Variants in GALNTL6 observed in about 807,000 individuals in gnomAD.
GALNTL6 encodes polypeptide N-acetylgalactosaminyltransferase like 6, also known as polypeptide N-acetylgalactosaminyltransferase-like 6.
GALNTL6 carries 46 observed loss-of-function variants against 73.7 expected under a neutral mutation model. The ratio of observed to expected loss-of-function variants is 0.62; its 90% CI spans 0.49 to 0.80. The LOEUF (loss-of-function observed/expected upper bound fraction) is 0.80, where lower values mean the gene tolerates loss of function less well. Among genes scored for constraint, GALNTL6 ranks in the 30% least tolerant of loss-of-function variants. GALNTL6 has a pLI of 0.00. For missense variants in GALNTL6, 604 were observed against 755.0 expected, an observed-to-expected ratio of 0.80 and a Z score of 2.34; for synonymous variants, 259 against 263.7, an observed-to-expected ratio of 0.98 and a Z score of 0.17.
intron 5 of GALNTL6, among the ~76,000 whole-genome samples, chr4:172,392,142 C>A (rs1398549354): frequency 2.0e-5 from 3 of 152,100 alleles, no homozygotes; most frequent in Non-Finnish European, 4.4e-5. Context: ...GTGTACGCCA[C>A]CACACCCCCC....
At chr4:171,814,331 A>G (rs545190877) in intron 1 of GALNTL6, 81 bp from the exon 2 acceptor site, 12 of 556,968 alleles carry the variant, frequency 2.2e-5, no homozygotes, top group South Asian at 1.8e-4. Flanking sequence ...TTCTTTAGTC[A>G]AGTCATTTAT....
At position 172,309,751 on chromosome 4, in the gene GALNTL6, A is replaced by T. The variant is rs549704299; in HGVS notation, c.248-1863A>T. Among the ~76,000 whole-genome samples, 4 of 120,178 alleles carry T rather than the reference A, an allele frequency of 3.3e-5. No individual in the cohort carries two copies. The South Asian group carries it at 1.5e-3, about 44-fold the overall frequency. 78.8% of individuals were successfully genotyped at this position (120,178 alleles called of 152,430 possible). On this transcript the variant is annotated intron_variant, in intron 3 of 12. Coordinates refer to ENST00000506823, the MANE Select transcript of GALNTL6 (RefSeq NM_001034845.3). Reference sequence around the variant, plus strand: ...ACTAGTTTTTAAAAATTATTTAAAAATAGTTCAGTTTGGTAGCTGAATAAG... The same window carrying T: ...ACTAGTTTTTAAAAATTATTTAAAATTAGTTCAGTTTGGTAGCTGAATAAG...
At chr4:171,878,458 C>G (rs139440897) in intron 2 of GALNTL6, among the ~76,000 whole-genome samples, 1 of 152,206 alleles carries the variant, frequency 6.6e-6, no homozygotes, top group Non-Finnish European at 1.5e-5. Context: ...TGCTTTTTTT[C>G]ATCTATTATT....
intron 2 of GALNTL6, among the ~76,000 whole-genome samples, chr4:172,207,035 T>C (rs1255483242): frequency 1.3e-5 from 2 of 151,340 alleles, no homozygotes; most frequent in Non-Finnish European, 2.9e-5. Flanking sequence ...GCCAGGATGA[T>C]CTCAATCTCC....
At chr4:172,932,571 T>C (rs1218129635) in intron 9 of GALNTL6, among the ~76,000 whole-genome samples, 1 of 152,168 alleles carries the variant, frequency 6.6e-6, no homozygotes, top group Non-Finnish European at 1.5e-5. Context: ...AGGCTGAGTA[T>C]CCCTCATCCA....
intron 5 of GALNTL6, among the ~76,000 whole-genome samples, chr4:172,796,598 T>G (rs1459847266): frequency 1.3e-5 from 2 of 152,226 alleles, no homozygotes; most frequent in African/African-American, 4.8e-5. Flanking sequence ...ATACTTTCTT[T>G]TATAGATTTT....
Position 172,951,125 on chromosome 4 carries a change from C to T in GALNTL6, c.1150-912C>T, listed in dbSNP as rs572476607. ...AGGCTCTCCAATTTCCAATCCTGCA[C>T]CCTTTTTGCAGCTAATAATAGCTCT... On this transcript the variant is annotated intron_variant, in intron 9 of 12. Transcript: ENST00000506823. 2.0e-5 allele frequency among the ~76,000 whole-genome samples: 3 copies of T among 152,304 alleles called. No individual in the cohort carries two copies. In the South Asian group the frequency reaches 6.2e-4, roughly 32 times the overall value.
chr4:171,981,913 T>C (rs958748768), intron 2 of GALNTL6, among the ~76,000 whole-genome samples: 7 of 151,932 alleles, frequency 4.6e-5, no homozygotes, highest in African/African-American at 1.7e-4. Flanking sequence ...TATTTATATA[T>C]ATATTTTAAC....
At position 172,987,750 on chromosome 4, in the gene GALNTL6, T is replaced by C. The variant is rs978296161; in HGVS notation, c.1372-21428T>C. Among the ~76,000 whole-genome samples the C allele has an allele frequency of 1.1e-4, 17 of 151,924 alleles. No individual in the cohort carries two copies. The South Asian group carries it at 3.3e-3, about 30-fold the overall frequency. On this transcript the variant is annotated intron_variant, in intron 10 of 12. Transcript: ENST00000506823. Reference sequence around the variant, plus strand: ...TGAGATCTGGTTGTTTAAAAGTGTGTAGCACCTCTCCCTTCTCTCTCTCTT... The same window carrying C: ...TGAGATCTGGTTGTTTAAAAGTGTGCAGCACCTCTCCCTTCTCTCTCTCTT...
intron 5 of GALNTL6, among the ~76,000 whole-genome samples, chr4:172,629,849 GT>G (rs1181311147): frequency 6.6e-6 from 1 of 152,154 alleles, no homozygotes; most frequent in Non-Finnish European, 1.5e-5. Context: ...CCTAGGACTT[GT>G]GTTTTATGGA....
At chr4:171,930,189 G>A (rs1443670141) in intron 2 of GALNTL6, among the ~76,000 whole-genome samples, 1 of 152,210 alleles carries the variant, frequency 6.6e-6, no homozygotes, top group African/African-American at 2.4e-5. Flanking sequence ...CAGCCTGTGG[G>A]TCCTGCACAC....
intron 5 of GALNTL6, among the ~76,000 whole-genome samples, chr4:172,434,573 A>T (rs1046699312): frequency 7.9e-5 from 12 of 152,162 alleles, no homozygotes; most frequent in Non-Finnish European, 1.5e-4. Context: ...TGTAGACAAT[A>T]AATTGTATTC....
At chr4:171,897,401 G>A (rs2110936755) in intron 2 of GALNTL6, among the ~76,000 whole-genome samples, 1 of 152,298 alleles carries the variant, frequency 6.6e-6, no homozygotes, top group South Asian at 2.1e-4. Flanking sequence ...GAAAATATTT[G>A]TGGCATTGTG....
chr4:172,684,505 C>A (rs2111239473), intron 5 of GALNTL6, among the ~76,000 whole-genome samples: 1 of 152,010 alleles, frequency 6.6e-6, no homozygotes, highest in Non-Finnish European at 1.5e-5. Context: ...AGATGACACA[C>A]AAAAAAGTAT....
At chr4:172,736,917 G>A (rs955644443) in intron 5 of GALNTL6, among the ~76,000 whole-genome samples, 5 of 152,146 alleles carry the variant, frequency 3.3e-5, no homozygotes, top group Admixed American at 6.5e-5. Context: ...CCCTGCACAT[G>A]CTCTCTTTCT....
At chr4:172,780,219 C>G (rs1043402456) in intron 5 of GALNTL6, among the ~76,000 whole-genome samples, 1 of 151,770 alleles carries the variant, frequency 6.6e-6, no homozygotes, top group African/African-American at 2.4e-5. Flanking sequence ...ACTGAAATAA[C>G]ATGCCTATTC....
chr4:172,177,571 A>G (rs891750559), intron 2 of GALNTL6, among the ~76,000 whole-genome samples: 1 of 151,934 alleles, frequency 6.6e-6, no homozygotes, highest in Admixed American at 6.6e-5. Flanking sequence ...TGAATGACAC[A>G]TTTGATTACT....
chr4:172,871,633 T>TGC (rs1744944944), intron 7 of GALNTL6, among the ~76,000 whole-genome samples: 1 of 150,092 alleles, frequency 6.7e-6, no homozygotes, highest in Admixed American at 6.7e-5. Flanking sequence ...TGTGTGTGTG[T>TGC]GTGTGTGTGT....
chr4:172,351,771 G>T (rs1456104180), intron 5 of GALNTL6, among the ~76,000 whole-genome samples: 1 of 152,044 alleles, frequency 6.6e-6, no homozygotes, highest in Non-Finnish European at 1.5e-5. Context: ...CCTTTAGGAA[G>T]TTTTTTTGTT....
Sources: gnomAD v4.1 joint callset for allele counts (sites outside exome capture counted in the v4.1 genomes callset) on GRCh38, gnomAD v4.1.1 for gene constraint, MANE v1.5 for transcripts, NCBI Gene and HGNC (gene_info 2026-07-23, HGNC 2026-07-21) for gene names.